MCC: variants seen among roughly 807,000 people sequenced by gnomAD.
MCC encodes the protein colorectal mutant cancer protein.
In MCC, 90 loss-of-function variants were observed where a neutral mutation model predicts 116.2. The observed-to-expected ratio is 0.77, with a 90% CI of 0.65 to 0.92. The LOEUF is 0.92. MCC is among the 40% of genes least tolerant of loss of function. The pLI is 0.00. For missense variants in MCC, 1,516 were observed against 1,312.2 expected, an observed-to-expected ratio of 1.16 and a Z score of -2.40; for synonymous variants, 578 against 510.5, an observed-to-expected ratio of 1.13 and a Z score of -1.78.
At chr5:113,294,581 A>G (rs1327111205) in intron 3 of MCC, 13 of 1,257,220 alleles carry the variant, frequency 1.0e-5, no homozygotes, top group Non-Finnish European at 1.3e-5. Flanking sequence ...CTCGCGTTTC[A>G]CGGACGAGCC....
chr5:113,296,512 G>A (rs1403937278), intron 3 of MCC, among the ~76,000 whole-genome samples: 1 of 152,182 alleles, frequency 6.6e-6, no homozygotes, highest in Non-Finnish European at 1.5e-5. Flanking sequence ...GCCCAGCAGA[G>A]ATGGGAAGTA....
intron 1 of MCC, among the ~76,000 whole-genome samples, chr5:113,388,403 A>C (rs551893460): frequency 6.6e-6 from 1 of 152,292 alleles, no homozygotes; most frequent in African/African-American, 2.4e-5. Context: ...CACCCTCTCC[A>C]AATTCCATGT....
intron 4 of MCC, 122 bp downstream of exon 4, chr5:113,151,185 CAG>C (rs1354347698): frequency 4.6e-6 from 3 of 645,194 alleles, no homozygotes; most frequent in Non-Finnish European, 8.2e-6. Flanking sequence ...CAGACCAAGA[CAG>C]AGTATTTGCT....
At chr5:113,400,847 A>C (rs537307034) in intron 1 of MCC, among the ~76,000 whole-genome samples, 1 of 152,336 alleles carries the variant, frequency 6.6e-6, no homozygotes, top group Admixed American at 6.5e-5. Context: ...AGAATCTTAC[A>C]GTGAGCACTC....
At chr5:113,101,533 GTGTT>G (rs1372912023) in intron 8 of MCC, 6 of 577,816 alleles carry the variant, frequency 1.0e-5, no homozygotes, top group African/African-American at 1.9e-5. Context: ...CCAGAGAAAA[GTGTT>G]TGCTTTTTTT....
chr5:113,113,758 C>T (rs931225676), intron 6 of MCC, among the ~76,000 whole-genome samples: 7 of 151,012 alleles, frequency 4.6e-5, no homozygotes, highest in East Asian at 3.9e-4. Flanking sequence ...ACTAACCTGA[C>T]GTCCTCAAAA....
intron 11 of MCC, among the ~76,000 whole-genome samples, chr5:113,076,208 G>T (rs920898565): frequency 6.6e-6 from 1 of 152,178 alleles, no homozygotes. Context: ...GTGATGGGGA[G>T]AATGGAACCA....
chr5:113,488,198 A>G, intron 1 of MCC, 47 bp downstream of exon 1: 1 of 1,568,700 alleles, frequency 6.4e-7, no homozygotes, highest in Non-Finnish European at 8.6e-7. Context: ...GGGCGCGCGG[A>G]GGGACTGATC....
intron 8 of MCC, chr5:113,101,523 C>T (rs1266880973): frequency 1.1e-5 from 6 of 564,244 alleles, no homozygotes; most frequent in African/African-American, 1.9e-5. Flanking sequence ...ATTTAAGATT[C>T]CAGAGAAAAG....
chr5:113,053,115 G>A (rs905817456), intron 15 of MCC, among the ~76,000 whole-genome samples: 1 of 152,088 alleles, frequency 6.6e-6, no homozygotes, highest in African/African-American at 2.4e-5. Flanking sequence ...TCCCAGTAGG[G>A]GACACCAGCT....
At chr5:113,198,786 A>C (rs1381542217) in intron 3 of MCC, among the ~76,000 whole-genome samples, 2 of 152,056 alleles carry the variant, frequency 1.3e-5, no homozygotes, top group African/African-American at 2.4e-5. Context: ...CAGCTGGCAC[A>C]AGATTCAGGA....
intron 2 of MCC, among the ~76,000 whole-genome samples, chr5:113,378,447 G>T (rs977813063): frequency 1.3e-5 from 2 of 152,178 alleles, no homozygotes; most frequent in African/African-American, 4.8e-5. Context: ...TGGAAATTGT[G>T]CCTGGTGTTC....
intron 1 of MCC, among the ~76,000 whole-genome samples, chr5:113,415,052 C>G (rs1410011828): frequency 6.6e-6 from 1 of 152,112 alleles, no homozygotes; most frequent in Non-Finnish European, 1.5e-5. Context: ...ATATAAAATT[C>G]TGGGTTGAAA....
At position 113,488,364 on chromosome 5, in the gene MCC, G is replaced by GCCC. The variant is rs2150439501; in HGVS notation, c.50_51insGGG (p.Gly21dup). ...TGCTGCTGCCGCTGCCGCCGCCGCCGCCGCCGCTGCTGGAGCTCCCCGCAG... is the reference window on the plus strand; with the variant it reads ...TGCTGCTGCCGCTGCCGCCGCCGCCGCCCCCGCCGCTGCTGGAGCTCCCCGCAG... On this transcript the variant is annotated inframe_insertion, in exon 1 of 19. Coordinates refer to ENST00000408903, the MANE Select transcript of MCC (RefSeq NM_001085377.2). The GCCC allele has an allele frequency of 1.3e-6, 2 of 1,519,658 alleles. No individual in the cohort carries two copies. Among genetic ancestry groups the GCCC allele is most frequent in the Non-Finnish European group, 1.8e-6 (2 of 1,139,510 alleles). 94.1% of individuals were successfully genotyped at this position (1,519,658 alleles called of 1,614,324 possible). A position where few individuals can be genotyped will look rare whatever the true frequency, so the allele number is the denominator to read the frequency against.
chr5:113,302,913 T>C (rs541299249), intron 3 of MCC, among the ~76,000 whole-genome samples: 1 of 152,332 alleles, frequency 6.6e-6, no homozygotes, highest in East Asian at 1.9e-4. Context: ...AAGAGGATGT[T>C]TGTGGCTTAG....
chr5:113,303,056 T>A (rs897763100), intron 3 of MCC, among the ~76,000 whole-genome samples: 3 of 152,124 alleles, frequency 2.0e-5, no homozygotes, highest in Admixed American at 6.5e-5. Context: ...GACTACCAGT[T>A]TTTGGGTTGG....
rs75686986 is a variant in MCC at position 113,228,874 on chromosome 5, A to G, written c.628-77452T>C. Among the ~76,000 whole-genome samples, 15 of 152,320 alleles carry G rather than the reference A, an allele frequency of 9.8e-5. No homozygotes were observed. The East Asian group carries it at 2.1e-3, about 22-fold the overall frequency. On this transcript the variant is annotated intron_variant, in intron 3 of 18. Transcript: ENST00000408903. ...GGTGACAGATTACTGTGGGGTATGAAGAAGAAGAATCAAGAAACACGTCAA... is the reference window on the plus strand; with the variant it reads ...GGTGACAGATTACTGTGGGGTATGAGGAAGAAGAATCAAGAAACACGTCAA...
intron 3 of MCC, among the ~76,000 whole-genome samples, chr5:113,162,549 T>A (rs532629823): frequency 1.3e-5 from 2 of 152,136 alleles, no homozygotes; most frequent in East Asian, 3.9e-4. Flanking sequence ...CAGGTTAGAA[T>A]GCAGTGGCAA....
At chr5:113,254,372 A>C (rs577232968) in intron 3 of MCC, among the ~76,000 whole-genome samples, 2 of 152,354 alleles carry the variant, frequency 1.3e-5, no homozygotes, top group African/African-American at 4.8e-5. Flanking sequence ...GAATTAAGCC[A>C]AGAATAAAAG....
Sources: allele counts gnomAD v4.1 joint callset (sites outside exome capture counted in the v4.1 genomes callset), GRCh38; gene constraint gnomAD v4.1.1; transcripts MANE v1.5; gene names NCBI Gene and HGNC (gene_info 2026-07-23, HGNC 2026-07-21).